AFF3: variants seen among roughly 807,000 people sequenced by gnomAD.
The protein encoded by AFF3 is ALF transcription elongation factor 3.
Under a neutral mutation model 129.7 loss-of-function variants are expected in AFF3, and 32 were observed. The observed-to-expected ratio is 0.25, with a 90% confidence interval of 0.19 to 0.33. The LOEUF is 0.33. AFF3 is among the 10% of genes least tolerant of loss of function. The pLI, the probability that AFF3 is intolerant of heterozygous loss-of-function variation, is 1.00. For missense variants in AFF3, 1,373 were observed against 1,592.0 expected, an observed-to-expected ratio of 0.86 and a Z score of 2.34; for synonymous variants, 644 against 635.4, an observed-to-expected ratio of 1.01 and a Z score of -0.20.
chr2:100,074,310 T>G (rs992110089), intron 4 of AFF3, among the ~76,000 whole-genome samples: 2 of 152,194 alleles, frequency 1.3e-5, no homozygotes, highest in Non-Finnish European at 2.9e-5. Context: ...GTCCAAAGTA[T>G]TCCTCAGTAC....
intron 11 of AFF3, among the ~76,000 whole-genome samples, chr2:99,711,961 A>T (rs916876300): frequency 1.3e-5 from 2 of 152,162 alleles, no homozygotes; most frequent in African/African-American, 4.8e-5. Flanking sequence ...GTGAGTATGG[A>T]GTAGCTGAAG....
chr2:99,593,413 G>A lies in AFF3; in HGVS notation c.2248C>T (p.Arg750Trp), dbSNP rs1356863876. Reference protein sequence around the residue: ...EQFYTLVPFGRNELLSPLKDS... With the variant: ...EQFYTLVPFGWNELLSPLKDS... ...TTTAGAGGGGAGAGAAGTTCGTTCC[G>A]GCCAAAGGGGACCAGTGTGTAGAAC... The change falls in exon 15 of 25, where the codon CGG becomes TGG. Residue 750 changes from arginine to tryptophan, a missense_variant. Coordinates refer to ENST00000672756, the MANE Select transcript of AFF3 (RefSeq NM_001386135.1). 6.2e-7 allele frequency: 1 copy of A among 1,613,708 alleles called. No individual in the cohort carries two copies. The highest frequency in any genetic ancestry group is 1.3e-5 in the African/African-American group (1 of 74,786).
At chr2:99,847,396 G>A (rs537571471) in intron 7 of AFF3, among the ~76,000 whole-genome samples, 5 of 152,038 alleles carry the variant, frequency 3.3e-5, no homozygotes, top group South Asian at 2.1e-4. Context: ...GGCTGGTCTC[G>A]AACTCCTGAC....
chr2:99,690,052 A>C (rs1324317491), intron 11 of AFF3, among the ~76,000 whole-genome samples: 1 of 149,498 alleles, frequency 6.7e-6, no homozygotes, highest in African/African-American at 2.5e-5. Flanking sequence ...ACACGACTGC[A>C]CTCCAGCCTG....
chr2:99,760,458 T>C (rs1467867071), intron 8 of AFF3, among the ~76,000 whole-genome samples: 1 of 152,210 alleles, frequency 6.6e-6, no homozygotes, highest in Non-Finnish European at 1.5e-5. Flanking sequence ...TGCACCTCAT[T>C]TCTGGTAATG....
At chr2:99,915,748 A>C (rs973424342) in intron 7 of AFF3, among the ~76,000 whole-genome samples, 2 of 152,126 alleles carry the variant, frequency 1.3e-5, no homozygotes, top group Non-Finnish European at 2.9e-5. Flanking sequence ...TGAATTTGCT[A>C]TTTCTGGGTA....
intron 8 of AFF3, among the ~76,000 whole-genome samples, chr2:99,775,475 T>A (rs995599404): frequency 4.6e-5 from 7 of 152,198 alleles, no homozygotes; most frequent in African/African-American, 1.7e-4. Flanking sequence ...AAATACTGCA[T>A]GTTCTCACTT....
chr2:99,593,596 G>A lies in AFF3; in HGVS notation c.2065C>T (p.Pro689Ser). ...GCCACGGTCTGTGCTTTGGACAGAG[G>A]GTACTCCTCCTGCTCGGACTCCAGG... ...SDLESEQEEY[P>S]LSKAQTVAAS... The change falls in exon 15 of 25, where the codon CCT (proline) becomes TCT (serine). Residue 689 changes from proline to serine, a missense_variant. This residue lies in a region of AFF3 where 466 missense variants were observed against 505.0 expected (regional missense o/e 0.92). Transcript: ENST00000672756. The A allele has an allele frequency of 6.2e-7, 1 of 1,612,798 alleles. No individual in the cohort carries two copies. The highest frequency in any genetic ancestry group is 8.5e-7 in the Non-Finnish European group (1 of 1,179,660).
At chr2:99,560,283 A>C in intron 21 of AFF3, 82 bp downstream of exon 21, 4 of 1,457,236 alleles carry the variant, frequency 2.7e-6, no homozygotes, top group Non-Finnish European at 3.8e-6. Flanking sequence ...CATTGGGCAA[A>C]CACTATGCCT....
At chr2:99,770,034 C>A (rs973514505) in intron 8 of AFF3, among the ~76,000 whole-genome samples, 4 of 152,264 alleles carry the variant, frequency 2.6e-5, no homozygotes, top group African/African-American at 9.6e-5. Context: ...CTATGATCGG[C>A]AGACGGTGAA....
At chr2:99,943,882 T>G (rs1283956695) in intron 7 of AFF3, among the ~76,000 whole-genome samples, 3 of 151,956 alleles carry the variant, frequency 2.0e-5, no homozygotes, top group African/African-American at 7.3e-5. Flanking sequence ...CTGAGACTAG[T>G]TGATAATTTT....
rs530480472 is a variant in AFF3 at position 99,799,534 on chromosome 2, C to A, written c.921+37943G>T. 1.3e-5 allele frequency among the ~76,000 whole-genome samples: 2 copies of A among 152,012 alleles called. 1 individual carries two copies. Among genetic ancestry groups the A allele is most frequent in the South Asian group, 4.1e-4 (2 of 4,826 alleles). On this transcript the variant is annotated intron_variant, in intron 8 of 24. Coordinates refer to ENST00000672756, the MANE Select transcript of AFF3 (RefSeq NM_001386135.1). ...TGGAAGAATCGATATTGTTAAGATG[C>A]CAATTCTTTCTAAATTCATTTGTAG...
chr2:100,007,400 T>C lies in AFF3; in HGVS notation c.235A>G (p.Met79Val), dbSNP rs1573089760. Residue 79 changes from methionine (M) to valine (V), a missense_variant, in exon 6 of 25, where the codon ATG (methionine) becomes GTG (valine). This residue lies in a region of AFF3 where 255 missense variants were observed against 256.0 expected (regional missense o/e 1.00). Transcript: ENST00000672756. ...GATCTATCAGTTAAAAAGTCTTTCATTTCATCATAATTGCCTAAAGTGTTC... is the reference window on the plus strand; with the variant it reads ...GATCTATCAGTTAAAAAGTCTTTCACTTCATCATAATTGCCTAAAGTGTTC... ...IQNTLGNYDE[M>V]KDFLTDRSNQ... 6.2e-7 allele frequency: 1 copy of C among 1,614,210 alleles called. No homozygotes were observed.
At chr2:99,866,430 G>A (rs919636016) in intron 7 of AFF3, among the ~76,000 whole-genome samples, 2 of 152,174 alleles carry the variant, frequency 1.3e-5, no homozygotes, top group African/African-American at 2.4e-5. Context: ...CTGGGACGAC[G>A]CCTCTGCAGC....
chr2:100,137,459 A>G (rs1692681646), intron 1 of AFF3, among the ~76,000 whole-genome samples: 1 of 152,172 alleles, frequency 6.6e-6, no homozygotes, highest in South Asian at 2.1e-4. Flanking sequence ...TTTTCCTCTG[A>G]GCCCCTAACT....
intron 12 of AFF3, 76 bp downstream of exon 12, chr2:99,672,462 A>T: frequency 7.0e-7 from 1 of 1,434,898 alleles, no homozygotes; most frequent in Non-Finnish European, 9.8e-7. Flanking sequence ...CAGCTTGGTT[A>T]ACACCCGGCA....
At chr2:100,094,177 CA>C (rs1690097244) in intron 4 of AFF3, among the ~76,000 whole-genome samples, 1 of 152,124 alleles carries the variant, frequency 6.6e-6, no homozygotes, top group South Asian at 2.1e-4. Flanking sequence ...TTCCATGGAC[CA>C]GGGGTGGAGA....
At position 99,642,795 on chromosome 2, in the gene AFF3, C is replaced by T. The variant is rs541878456; in HGVS notation, c.1184+6831G>A. Among the ~76,000 whole-genome samples, 5 of 152,216 alleles carry T rather than the reference C, an allele frequency of 3.3e-5. No homozygotes were observed. In the East Asian group the frequency reaches 7.8e-4, roughly 24 times the overall value. On this transcript the variant is annotated intron_variant, in intron 13 of 24. Coordinates refer to ENST00000672756, the MANE Select transcript of AFF3 (RefSeq NM_001386135.1). ...CTAGTCCTGGCTCTGCCACTTGTGGCCCTGGGTGAGTTGCATCACCTGTTC... is the reference window on the plus strand; with the variant it reads ...CTAGTCCTGGCTCTGCCACTTGTGGTCCTGGGTGAGTTGCATCACCTGTTC...
intron 8 of AFF3, among the ~76,000 whole-genome samples, chr2:99,807,132 T>C (rs1336357798): frequency 1.3e-5 from 2 of 152,194 alleles, no homozygotes; most frequent in Non-Finnish European, 2.9e-5. Context: ...AGAAAGTTGC[T>C]GTTCCCATGT....
Sources: allele counts gnomAD v4.1 joint callset (sites outside exome capture counted in the v4.1 genomes callset), GRCh38; gene constraint gnomAD v4.1.1; regional missense constraint gnomAD v4.1.1; transcripts MANE v1.5; gene names NCBI Gene and HGNC (gene_info 2026-07-23, HGNC 2026-07-21).